AKR1C8: variants seen among roughly 807,000 people sequenced by gnomAD.
AKR1C8 encodes aldo-keto reductase family 1 member C-like protein 1.
chr10:5,122,561 A>T, the AKR1C8 span, among the ~76,000 whole-genome samples: 1 of 152,154 alleles, frequency 6.6e-6, no homozygotes, highest in Admixed American at 6.6e-5. Context: ...CCAGCCTTAG[A>T]CTGAGCAACC....
the AKR1C8 span, among the ~76,000 whole-genome samples, chr10:5,176,953 A>G: frequency 0.016 from 2,457 of 152,204 alleles, 67 homozygotes; most frequent in African/African-American, 0.056. Flanking sequence ...CTCTTTTCCA[A>G]TTGAATACCC....
At chr10:5,123,889 G>C in the AKR1C8 span, 1 of 1,466,162 alleles carries the variant, frequency 6.8e-7, no homozygotes, top group East Asian at 2.4e-5. Context: ...AAAGATTACA[G>C]ATTAAAGTAA....
chr10:5,179,859 C>G, the AKR1C8 span, among the ~76,000 whole-genome samples: 1 of 152,156 alleles, frequency 6.6e-6, no homozygotes, highest in Non-Finnish European at 1.5e-5. Flanking sequence ...ATTTGTTATT[C>G]TAGTTATACA....
the AKR1C8 span, among the ~76,000 whole-genome samples, chr10:5,121,482 T>TA: frequency 6.6e-6 from 1 of 151,760 alleles, no homozygotes; most frequent in African/African-American, 2.4e-5. Context: ...ATGAGAGTTG[T>TA]GACAGGCGAA....
chr10:5,169,521 T>C, the AKR1C8 span, among the ~76,000 whole-genome samples: 5 of 72,456 alleles, frequency 6.9e-5, no homozygotes, highest in Admixed American at 2.6e-4. Context: ...TTAGGCCTGA[T>C]TGGTTGAGAC....
chr10:5,158,683 C>G, the AKR1C8 span: 10 of 491,232 alleles, frequency 2.0e-5, no homozygotes, highest in East Asian at 5.4e-4. Flanking sequence ...GGAGTTTGCT[C>G]TGGTTGAGGT....
At chr10:5,139,378 T>C in the AKR1C8 span, among the ~76,000 whole-genome samples, 2 of 152,306 alleles carry the variant, frequency 1.3e-5, no homozygotes, top group East Asian at 1.9e-4. Context: ...GCTGGAGGCA[T>C]TATGCTACCG....
At chr10:5,168,930 A>G in the AKR1C8 span, among the ~76,000 whole-genome samples, 1 of 152,126 alleles carries the variant, frequency 6.6e-6, no homozygotes, top group Non-Finnish European at 1.5e-5. Flanking sequence ...GTTGAATCTA[A>G]AAACAGATGA....
chr10:5,178,010 G>A, the AKR1C8 span, among the ~76,000 whole-genome samples: 24 of 152,096 alleles, frequency 1.6e-4, no homozygotes, highest in Non-Finnish European at 2.5e-4. Context: ...GTTACTTCTT[G>A]CCTTCTGCTA....
At chr10:5,176,398 A>C in the AKR1C8 span, among the ~76,000 whole-genome samples, 1 of 144,528 alleles carries the variant, frequency 6.9e-6, no homozygotes, top group Non-Finnish European at 1.5e-5. Context: ...GTATAGTTTG[A>C]AGTCAGGTAG....
At chr10:5,149,052 A>AAT in the AKR1C8 span, among the ~76,000 whole-genome samples, 5 of 152,002 alleles carry the variant, frequency 3.3e-5, no homozygotes, top group Admixed American at 1.3e-4. Flanking sequence ...AGTAAGCACA[A>AAT]ATATATATAT....
chr10:5,179,214 T>G, the AKR1C8 span, among the ~76,000 whole-genome samples: 15 of 152,272 alleles, frequency 9.9e-5, no homozygotes, highest in East Asian at 1.9e-3. Context: ...GTCTGTAAAG[T>G]ATTTTATTTC....
At chr10:5,172,288 T>C in the AKR1C8 span, among the ~76,000 whole-genome samples, 4 of 152,142 alleles carry the variant, frequency 2.6e-5, no homozygotes, top group African/African-American at 7.2e-5. Context: ...CTTAATTTTT[T>C]GACTTGTAAA....
the AKR1C8 span, among the ~76,000 whole-genome samples, chr10:5,137,285 G>T: frequency 6.6e-6 from 1 of 152,068 alleles, no homozygotes; most frequent in African/African-American, 2.4e-5. Context: ...AAGCCTGGCA[G>T]AGACACAACA....
chr10:5,148,126 G>T, the AKR1C8 span, among the ~76,000 whole-genome samples: 2 of 152,118 alleles, frequency 1.3e-5, no homozygotes, highest in Admixed American at 1.3e-4. Flanking sequence ...TGGCTGCTAC[G>T]TGGGGGCTTC....
chr10:5,177,030 A>G, the AKR1C8 span, among the ~76,000 whole-genome samples: 20,031 of 150,802 alleles, frequency 0.13, 1,500 homozygotes, highest in Admixed American at 0.17. Context: ...TAGGAGTGGT[A>G]AGAGAGGGCA....
chr10:5,143,149 A>T, the AKR1C8 span, among the ~76,000 whole-genome samples: 6 of 152,184 alleles, frequency 3.9e-5, no homozygotes, highest in South Asian at 6.2e-4. Flanking sequence ...GGACCAACTT[A>T]AAAAAATTGC....
chr10:5,175,340 G>A, the AKR1C8 span, among the ~76,000 whole-genome samples: 2 of 152,056 alleles, frequency 1.3e-5, no homozygotes, highest in African/African-American at 4.8e-5. Context: ...ATTCCATGGT[G>A]TATATGTGCC....
chr10:5,145,101 AG>A, the AKR1C8 span, among the ~76,000 whole-genome samples: 2 of 152,052 alleles, frequency 1.3e-5, no homozygotes, highest in African/African-American at 2.4e-5. Flanking sequence ...ATTTTGTCAA[AG>A]GCCTTTTCTG....
Sources: gnomAD v4.1 joint callset for allele counts (sites outside exome capture counted in the v4.1 genomes callset) on GRCh38, gnomAD v4.1.1 for gene constraint, MANE v1.5 for transcripts, NCBI Gene and HGNC (gene_info 2026-07-23, HGNC 2026-07-21) for gene names.